Variants in ESR1 observed in about 807,000 individuals in gnomAD.
ESR1 encodes the protein estrogen receptor.
Under a neutral mutation model 52.7 loss-of-function variants are expected in ESR1, and 12 were observed. The ratio of observed to expected loss-of-function variants is 0.23; its 90% CI spans 0.15 to 0.37. ESR1 has a LOEUF of 0.37. Ranked by LOEUF, ESR1 falls within the 10% of genes least tolerant of loss-of-function variation. The pLI, the probability that ESR1 is intolerant of heterozygous loss-of-function variation, is 1.00. For synonymous variants in ESR1, 305 were observed against 316.8 expected (o/e 0.96, Z 0.39); for missense variants, 584 against 779.7 (o/e 0.75, Z 2.99).
At chr6:151,897,805 G>T (rs999751337) in intron 3 of ESR1, among the ~76,000 whole-genome samples, 1 of 152,158 alleles carries the variant, frequency 6.6e-6, no homozygotes, top group Non-Finnish European at 1.5e-5. Flanking sequence ...CATTAAGGAG[G>T]TTCTGTTTTG....
intron 2 of ESR1, among the ~76,000 whole-genome samples, chr6:151,856,842 T>C (rs1787933472): frequency 6.6e-6 from 1 of 152,170 alleles, no homozygotes; most frequent in Non-Finnish European, 1.5e-5. Context: ...AGTACCCTTC[T>C]TTTTTTCTGA....
rs143041644 is a variant in ESR1 at position 151,991,879 on chromosome 6, C to A, written c.1097-19777C>A. Among the ~76,000 whole-genome samples the A allele has an allele frequency of 1.3e-5, 2 of 152,098 alleles. 1 individual carries two copies. The highest frequency in any genetic ancestry group is 4.1e-4 in the South Asian group (2 of 4,826). ...TGCCTTCTCAGGGGATCCTCTTCCT[C>A]ATCTTATCGGGCCACTCATCTCGTC... On this transcript the variant is annotated intron_variant, in intron 4 of 7. Transcript: ENST00000206249.
At chr6:151,823,631 C>G (rs1780971241) in intron 1 of ESR1, among the ~76,000 whole-genome samples, 1 of 151,972 alleles carries the variant, frequency 6.6e-6, no homozygotes, top group Admixed American at 6.6e-5. Flanking sequence ...CTACCCCCAC[C>G]CCACGACAGG....
intron 1 of ESR1, among the ~76,000 whole-genome samples, chr6:151,683,286 T>C (rs1196203079): frequency 6.6e-6 from 1 of 152,168 alleles, no homozygotes; most frequent in Non-Finnish European, 1.5e-5. Flanking sequence ...GTGGGTGTAC[T>C]TGGGGACTGA....
intron 2 of ESR1, among the ~76,000 whole-genome samples, chr6:151,850,956 G>A (rs1313177068): frequency 6.6e-6 from 1 of 151,954 alleles, no homozygotes; most frequent in Non-Finnish European, 1.5e-5. Context: ...CTTGTTGCGA[G>A]ACATTCTGCA....
rs2047826037 is a variant in ESR1 at position 152,064,709 on chromosome 6, A to G, written c.1369+3585A>G. Among the ~76,000 whole-genome samples the G allele has an allele frequency of 3.3e-5, 5 of 152,108 alleles. No homozygotes were observed. In the South Asian group the frequency reaches 8.3e-4, roughly 25 times the overall value. On this transcript the variant is annotated intron_variant, in intron 6 of 7. Coordinates refer to ENST00000206249, the MANE Select transcript of ESR1 (RefSeq NM_000125.4). ...GTATTTCCTAATCTCCCTATAAACT[A>G]TTTGTATTTTTTTGGATTCCTCACA...
chr6:151,740,995 G>T (rs200894080), intron 2 of ESR1, among the ~76,000 whole-genome samples: 1 of 152,286 alleles, frequency 6.6e-6, no homozygotes, highest in East Asian at 1.9e-4. Context: ...CAGAGATGTG[G>T]ATCCTGGTGG....
intron 3 of ESR1, among the ~76,000 whole-genome samples, chr6:151,932,960 C>A (rs75465220): frequency 0.15 from 22,766 of 151,344 alleles, 2,410 homozygotes; most frequent in African/African-American, 0.29. Context: ...TCCATATGAA[C>A]TTTAAAGTAG....
At chr6:151,902,196 C>CA (rs1796795951) in intron 3 of ESR1, among the ~76,000 whole-genome samples, 2 of 152,084 alleles carry the variant, frequency 1.3e-5, no homozygotes, top group South Asian at 4.2e-4. Flanking sequence ...AGGTCATTCA[C>CA]AAAAAATAGG....
intron 3 of ESR1, among the ~76,000 whole-genome samples, chr6:151,885,845 A>T (rs1290450966): frequency 6.6e-6 from 1 of 152,176 alleles, no homozygotes; most frequent in East Asian, 1.9e-4. Context: ...ACAGAGTGAG[A>T]CTCTGTCTCA....
intron 1 of ESR1, among the ~76,000 whole-genome samples, chr6:151,838,306 C>T (rs1371465954): frequency 6.6e-6 from 1 of 152,200 alleles, no homozygotes; most frequent in South Asian, 2.1e-4. Flanking sequence ...AGGTCTATGA[C>T]AGGTGCAGTG....
upstream of ESR1, among the ~76,000 whole-genome samples, chr6:151,799,750 G>T (rs1172421878): frequency 2.0e-5 from 3 of 152,136 alleles, no homozygotes; most frequent in East Asian, 5.8e-4. Context: ...ATCAAGGAAG[G>T]CTTCCTGGTG....
intron 1 of ESR1, chr6:151,690,813 G>T (rs1170717613): frequency 6.6e-6 from 1 of 152,144 alleles, no homozygotes. Flanking sequence ...ATTTTGCAAA[G>T]TTACTGGCAA....
At chr6:152,023,227 A>G (rs2043835339) in intron 5 of ESR1, among the ~76,000 whole-genome samples, 1 of 152,158 alleles carries the variant, frequency 6.6e-6, no homozygotes, top group Admixed American at 6.5e-5. Flanking sequence ...CAGCTCTTTG[A>G]GGTATTTGTC....
chr6:152,061,118 A>C lies in ESR1; in HGVS notation c.1363A>C (p.Asn455His). 6.2e-7 allele frequency: 1 copy of C among 1,613,902 alleles called. No homozygotes were observed. The highest frequency in any genetic ancestry group is 8.5e-7 in the Non-Finnish European group (1 of 1,179,876). ...FVCLKSIILL[N>H]SGVYTFLSST... The stretch of plus-strand genomic sequence containing the variant: ...GTGCCTCAAATCTATTATTTTGCTT[A>C]ATTCTGGTGAGTTGATAACACAAGA... Residue 455 changes from asparagine to histidine, a missense_variant, in exon 6 of 8, where the codon AAT becomes CAT. Coordinates refer to ENST00000206249, the MANE Select transcript of ESR1 (RefSeq NM_000125.4). The surrounding 1 kb of genome is among the most constrained non-coding windows in gnomAD (Gnocchi z 4.3).
intron 2 of ESR1, among the ~76,000 whole-genome samples, chr6:151,755,716 C>T (rs1365898491): frequency 2.6e-5 from 4 of 152,004 alleles, no homozygotes; most frequent in African/African-American, 4.8e-5. Context: ...CTGCAACTTC[C>T]GCCTCCCAGA....
chr6:152,112,729 C>T (rs2051159682), intron 6 of ESR1: 1 of 152,296 alleles, frequency 6.6e-6, no homozygotes, highest in Non-Finnish European at 1.5e-5. Context: ...GATGTCAGCA[C>T]CAGCAGCTGA....
chr6:151,827,390 G>T (rs1384044318), intron 1 of ESR1, among the ~76,000 whole-genome samples: 1 of 151,592 alleles, frequency 6.6e-6, no homozygotes, highest in African/African-American at 2.4e-5. Flanking sequence ...AAAGAAGTTG[G>T]AGGTGAGTAA....
At chr6:151,966,074 A>G (rs2038238320) in intron 4 of ESR1, among the ~76,000 whole-genome samples, 1 of 152,116 alleles carries the variant, frequency 6.6e-6, no homozygotes. Flanking sequence ...ATCCTTGAGT[A>G]ATTTTTCAGA....
Sources: allele counts gnomAD v4.1 joint callset (sites outside exome capture counted in the v4.1 genomes callset), GRCh38; gene constraint gnomAD v4.1.1; non-coding constraint Gnocchi (gnomAD v3.1); transcripts MANE v1.5; gene names NCBI Gene and HGNC (gene_info 2026-07-23, HGNC 2026-07-21).